Variants in ADGRB3 observed in about 807,000 individuals in gnomAD.
ADGRB3 encodes adhesion G protein-coupled receptor B3, also known as brain-specific angiogenesis inhibitor 3.
ADGRB3 carries 37 observed loss-of-function variants against 193.4 expected under a neutral mutation model. The observed-to-expected ratio is 0.19, with a 90% CI of 0.15 to 0.25. The LOEUF (loss-of-function observed/expected upper bound fraction) is 0.25. ADGRB3 is among the 10% of genes least tolerant of loss of function. The pLI, the probability that ADGRB3 is intolerant of heterozygous loss-of-function variation, is 1.00. For synonymous variants in ADGRB3, 690 were observed against 644.2 expected, an observed-to-expected ratio of 1.07 and a Z score of -1.08; for missense variants, 1,637 against 1,852.9, an observed-to-expected ratio of 0.88 and a Z score of 2.14.
intron 11 of ADGRB3, among the ~76,000 whole-genome samples, chr6:69,009,536 A>C (rs1769870562): frequency 6.6e-6 from 1 of 152,038 alleles, no homozygotes; most frequent in South Asian, 2.1e-4. Flanking sequence ...GCATAAGATA[A>C]AGTTGGAGAG....
At chr6:69,082,058 A>G (rs573953407) in intron 17 of ADGRB3, among the ~76,000 whole-genome samples, 32 of 152,130 alleles carry the variant, frequency 2.1e-4, no homozygotes, top group Non-Finnish European at 3.8e-4. Context: ...TTTATCAGAC[A>G]CAGTCATTCT....
chr6:69,298,523 C>T (rs2127295602), intron 20 of ADGRB3, among the ~76,000 whole-genome samples: 1 of 152,040 alleles, frequency 6.6e-6, no homozygotes, highest in African/African-American at 2.4e-5. Context: ...AGCATCTCCT[C>T]TTTATTACCC....
chr6:68,822,522 A>G (rs1010442219), intron 3 of ADGRB3, among the ~76,000 whole-genome samples: 2 of 152,080 alleles, frequency 1.3e-5, no homozygotes, highest in East Asian at 3.9e-4. Flanking sequence ...GCTGTCTTCA[A>G]ATAGAGTTAT....
At chr6:68,763,074 C>A (rs1766442870) in intron 3 of ADGRB3, among the ~76,000 whole-genome samples, 2 of 152,106 alleles carry the variant, frequency 1.3e-5, no homozygotes, top group South Asian at 4.1e-4. Flanking sequence ...CATACACATA[C>A]ATGTGTTCAT....
chr6:69,283,177 G>T (rs1365070096), intron 20 of ADGRB3, among the ~76,000 whole-genome samples: 1 of 152,138 alleles, frequency 6.6e-6, no homozygotes, highest in Admixed American at 6.6e-5. Context: ...AATTGCCAAG[G>T]GGACTGGGAG....
chr6:69,279,071 GTATATATATATATATATATATATATATA>G (rs57824884), intron 20 of ADGRB3, among the ~76,000 whole-genome samples: 19 of 71,376 alleles, frequency 2.7e-4, no homozygotes, highest in South Asian at 2.4e-3. Flanking sequence ...AAATACATAT[GTATATATATATATATATATATATATATA>G]TATATATATA....
intron 20 of ADGRB3, among the ~76,000 whole-genome samples, chr6:69,317,507 C>G (rs543337441): frequency 1.3e-5 from 2 of 151,446 alleles, no homozygotes; most frequent in South Asian, 2.1e-4. Context: ...CTATTCTGTA[C>G]GTCGATTTTT....
At chr6:68,674,615 G>A (rs765848816) in intron 3 of ADGRB3, among the ~76,000 whole-genome samples, 1 of 152,116 alleles carries the variant, frequency 6.6e-6, no homozygotes, top group African/African-American at 2.4e-5. Flanking sequence ...AGGGAAAATC[G>A]ATTTCAAGTC....
At chr6:68,882,364 A>C (rs1412417286) in intron 3 of ADGRB3, among the ~76,000 whole-genome samples, 1 of 152,222 alleles carries the variant, frequency 6.6e-6, no homozygotes, top group East Asian at 1.9e-4. Flanking sequence ...TTTAAACCAC[A>C]GGATACTGAA....
chr6:69,176,251 C>T (rs981097123), intron 17 of ADGRB3, among the ~76,000 whole-genome samples: 9 of 152,104 alleles, frequency 5.9e-5, no homozygotes, highest in African/African-American at 1.2e-4. Context: ...TCTGCACATT[C>T]AGTATGATGT....
chr6:68,798,850 A>T (rs140647373), intron 3 of ADGRB3, among the ~76,000 whole-genome samples: 4,241 of 152,258 alleles, frequency 0.028, 89 homozygotes, highest in Non-Finnish European at 0.04. Context: ...TGAGGGGGAC[A>T]TGCCGTGGAT....
At chr6:68,954,874 G>A (rs1248772044) in intron 6 of ADGRB3, among the ~76,000 whole-genome samples, 1 of 151,844 alleles carries the variant, frequency 6.6e-6, no homozygotes, top group Non-Finnish European at 1.5e-5. Flanking sequence ...GTAGAGACGG[G>A]GTTTCACCGT....
At chr6:69,100,917 G>A (rs1390804724) in intron 17 of ADGRB3, among the ~76,000 whole-genome samples, 1 of 79,822 alleles carries the variant, frequency 1.3e-5, no homozygotes, top group Non-Finnish European at 2.5e-5. Context: ...AGGGAGGGAA[G>A]GAAGGAAGGA....
intron 3 of ADGRB3, among the ~76,000 whole-genome samples, chr6:68,857,028 A>T (rs1241146011): frequency 6.6e-6 from 1 of 152,184 alleles, no homozygotes; most frequent in East Asian, 1.9e-4. Flanking sequence ...GGCAGCTTCC[A>T]TGGGGTGTTG....
At chr6:69,259,834 A>T (rs1373606197) in intron 20 of ADGRB3, among the ~76,000 whole-genome samples, 1 of 152,156 alleles carries the variant, frequency 6.6e-6, no homozygotes, top group Non-Finnish European at 1.5e-5. Flanking sequence ...AAGACATTGG[A>T]TATATCAGAG....
At chr6:69,309,034 G>T (rs1768124360) in intron 20 of ADGRB3, among the ~76,000 whole-genome samples, 1 of 151,662 alleles carries the variant, frequency 6.6e-6, no homozygotes, top group African/African-American at 2.4e-5. Flanking sequence ...CAAATATTGA[G>T]GGAAGCCAGT....
At chr6:68,789,242 C>T (rs1195312462) in intron 3 of ADGRB3, among the ~76,000 whole-genome samples, 6 of 152,138 alleles carry the variant, frequency 3.9e-5, no homozygotes, top group Non-Finnish European at 5.9e-5. Flanking sequence ...GCAGTTTCTT[C>T]CTAGCCTTGA....
At chr6:68,813,505 C>T (rs1767560637) in intron 3 of ADGRB3, among the ~76,000 whole-genome samples, 1 of 151,476 alleles carries the variant, frequency 6.6e-6, no homozygotes, top group Admixed American at 6.6e-5. Context: ...TGTAGGCTCA[C>T]ATTAACTTAG....
intron 31 of ADGRB3, among the ~76,000 whole-genome samples, chr6:69,383,360 G>A (rs1057228979): frequency 2.6e-5 from 4 of 151,858 alleles, no homozygotes; most frequent in South Asian, 2.1e-4. Context: ...TTTGTCTCCA[G>A]GAGATTTACT....
Sources: gnomAD v4.1 joint callset for allele counts (sites outside exome capture counted in the v4.1 genomes callset) on GRCh38, gnomAD v4.1.1 for gene constraint, MANE v1.5 for transcripts, NCBI Gene and HGNC (gene_info 2026-07-23, HGNC 2026-07-21) for gene names.